The following DPP10 variants were observed in gnomAD, a reference collection of about 807,000 sequenced individuals.
DPP10 encodes the protein dipeptidyl peptidase like 10.
A neutral mutation model predicts 120.9 loss-of-function variants in DPP10; 33 were observed. The ratio of observed to expected loss-of-function variants is 0.27; its 90% CI spans 0.21 to 0.37. DPP10 has a LOEUF of 0.37. Ranked by LOEUF, DPP10 falls within the 10% of genes least tolerant of loss-of-function variation. The pLI is 1.00. For missense variants in DPP10, 816 were observed against 942.8 expected, an observed-to-expected ratio of 0.87 and a Z score of 1.76; for synonymous variants, 337 against 326.1, an observed-to-expected ratio of 1.03 and a Z score of -0.36.
intron 21 of DPP10, among the ~76,000 whole-genome samples, chr2:115,825,156 A>AG (rs1688183169): frequency 6.6e-6 from 1 of 152,220 alleles, no homozygotes; most frequent in Non-Finnish European, 1.5e-5. Context: ...TTTCTGCAAT[A>AG]TAGTTTAACT....
intron 1 of DPP10, among the ~76,000 whole-genome samples, chr2:114,617,200 G>GAGAA (rs1693740298): frequency 6.6e-6 from 1 of 151,986 alleles, no homozygotes; most frequent in Admixed American, 6.6e-5. Context: ...GAAAACAGCC[G>GAGAA]AGAAAGACAC....
At chr2:115,729,713 T>A (rs2092853254) in intron 8 of DPP10, among the ~76,000 whole-genome samples, 1 of 152,158 alleles carries the variant, frequency 6.6e-6, no homozygotes, top group African/African-American at 2.4e-5. Context: ...AGTTGAAGAC[T>A]GCAATGAGCT....
intron 1 of DPP10, among the ~76,000 whole-genome samples, chr2:115,077,656 T>G (rs1349093236): frequency 1.3e-5 from 2 of 152,186 alleles, no homozygotes; most frequent in Non-Finnish European, 2.9e-5. Context: ...TTTTCACCTT[T>G]AACTTCTTTT....
chr2:114,945,926 G>C (rs1364113786), intron 1 of DPP10, among the ~76,000 whole-genome samples: 1 of 152,134 alleles, frequency 6.6e-6, no homozygotes, highest in Non-Finnish European at 1.5e-5. Flanking sequence ...ATGTCATATT[G>C]ATAACATGTA....
At chr2:115,707,910 G>T (rs917661764) in intron 7 of DPP10, among the ~76,000 whole-genome samples, 1 of 151,684 alleles carries the variant, frequency 6.6e-6, no homozygotes, top group Non-Finnish European at 1.5e-5. Context: ...TTAAATTACA[G>T]AATTGATTAC....
chr2:114,730,881 C>A (rs1406787489), intron 1 of DPP10, among the ~76,000 whole-genome samples: 2 of 151,854 alleles, frequency 1.3e-5, no homozygotes, highest in African/African-American at 4.8e-5. Flanking sequence ...TGAGCAACTG[C>A]ACCTGGTCCA....
chr2:114,642,385 G>A (rs13430317), intron 1 of DPP10, among the ~76,000 whole-genome samples: 1,630 of 151,994 alleles, frequency 0.011, 75 homozygotes, highest in African/African-American at 0.037. Context: ...ATACAGGTGC[G>A]CTGACTTCAA....
intron 1 of DPP10, among the ~76,000 whole-genome samples, chr2:114,983,814 GA>G (rs1700235172): frequency 6.6e-6 from 1 of 152,198 alleles, no homozygotes; most frequent in African/African-American, 2.4e-5. Context: ...CTTGGAGGTT[GA>G]TCCCCTTATC....
chr2:115,600,050 G>GT (rs548422882), intron 5 of DPP10, among the ~76,000 whole-genome samples: 1,516 of 151,588 alleles, frequency 0.01, 21 homozygotes, highest in African/African-American at 0.034. Context: ...GCCGTCACCT[G>GT]TTTTTTTTGT....
intron 1 of DPP10, among the ~76,000 whole-genome samples, chr2:114,654,646 CT>C (rs906956180): frequency 1.3e-5 from 2 of 151,678 alleles, no homozygotes; most frequent in African/African-American, 4.8e-5. Flanking sequence ...AAGATTATGA[CT>C]TTTTTTTTCT....
intron 1 of DPP10, among the ~76,000 whole-genome samples, chr2:115,261,310 GA>G (rs2059241790): frequency 6.6e-6 from 1 of 152,166 alleles, no homozygotes; most frequent in African/African-American, 2.4e-5. Flanking sequence ...AAAGGGCACT[GA>G]GCAATACAAC....
At chr2:114,800,822 T>C (rs925735094) in intron 1 of DPP10, among the ~76,000 whole-genome samples, 3 of 152,118 alleles carry the variant, frequency 2.0e-5, no homozygotes, top group Non-Finnish European at 4.4e-5. Flanking sequence ...TGCCCTTGGT[T>C]AACATTTTGC....
chr2:114,505,181 G>A (rs1485530879), intron 1 of DPP10, among the ~76,000 whole-genome samples: 1 of 147,400 alleles, frequency 6.8e-6, no homozygotes, highest in Admixed American at 6.8e-5. Flanking sequence ...AAAAAATATA[G>A]ACCCAAAGAA....
chr2:115,746,682 G>C (rs1678022421), intron 10 of DPP10, among the ~76,000 whole-genome samples: 1 of 151,882 alleles, frequency 6.6e-6, no homozygotes, highest in South Asian at 2.1e-4. Context: ...ACTTGATCAG[G>C]GAGAAAGTAA....
rs2061114901 is a variant in DPP10 at position 115,301,213 on chromosome 2, C to T, written c.61-8026C>T. ...TGGCTGTTCCTCTGTACTACTCTTGCCTTAACAAACATCTTGCCCCCAGTT... is the reference window on the plus strand; with the variant it reads ...TGGCTGTTCCTCTGTACTACTCTTGTCTTAACAAACATCTTGCCCCCAGTT... On this transcript the variant is annotated intron_variant, in intron 1 of 25. Coordinates refer to ENST00000410059, the MANE Select transcript of DPP10 (RefSeq NM_020868.6). Among the ~76,000 whole-genome samples, 4 of 152,130 alleles carry T rather than the reference C, an allele frequency of 2.6e-5. No homozygotes were observed. The South Asian group carries it at 8.3e-4, about 32-fold the overall frequency.
Position 115,279,655 on chromosome 2 carries a change from C to CTTTTTT in DPP10, c.61-29562_61-29557dup, listed in dbSNP as rs70941039. Among the ~76,000 whole-genome samples the CTTTTTT allele has an allele frequency of 2.5e-3, 107 of 42,722 alleles. 3 individuals are homozygous for CTTTTTT. Among genetic ancestry groups the CTTTTTT allele is most frequent in the African/African-American group, 6.2e-3 (57 of 9,156 alleles). The allele number at this position is 42,722 out of a possible 152,430, so 28.0% of individuals were successfully genotyped here. The stretch of plus-strand genomic sequence containing the variant: ...TTTCTTTCTTTCTTTTTTTCTTCTT[C>CTTTTTT]TTTTTTTTTTTTTTTTTTTTTTTTT... On this transcript the variant is annotated intron_variant, in intron 1 of 25. Coordinates refer to ENST00000410059, the MANE Select transcript of DPP10 (RefSeq NM_020868.6).
chr2:115,575,457 A>G (rs11901312), intron 5 of DPP10, among the ~76,000 whole-genome samples: 2,852 of 152,226 alleles, frequency 0.019, 97 homozygotes, highest in African/African-American at 0.066. Flanking sequence ...GCCCCTTTAC[A>G]TTTATTGTCT....
intron 3 of DPP10, among the ~76,000 whole-genome samples, chr2:115,393,896 A>G (rs1398784884): frequency 6.6e-6 from 1 of 152,200 alleles, no homozygotes; most frequent in Admixed American, 6.5e-5. Flanking sequence ...GCACATATGG[A>G]GGTCCATAGA....
chr2:115,612,140 ACCAAAT>A (rs973963758), intron 5 of DPP10, among the ~76,000 whole-genome samples: 6 of 152,144 alleles, frequency 3.9e-5, no homozygotes, highest in African/African-American at 7.2e-5. Context: ...CATGTGTCTA[ACCAAAT>A]CCATATTTTT....
Sources: gnomAD v4.1 joint callset for allele counts (sites outside exome capture counted in the v4.1 genomes callset) on GRCh38, gnomAD v4.1.1 for gene constraint, MANE v1.5 for transcripts, NCBI Gene and HGNC (gene_info 2026-07-23, HGNC 2026-07-21) for gene names.